The following MBD5 variants were observed in gnomAD, a reference collection of about 807,000 sequenced individuals.
The protein encoded by MBD5 is methyl-CpG binding domain protein 5.
Under a neutral mutation model 117.3 loss-of-function variants are expected in MBD5, and 13 were observed. The observed-to-expected ratio is 0.11, with a 90% CI of 0.07 to 0.18. The LOEUF is 0.18. MBD5 is among the 10% of genes least tolerant of loss of function. The probability of loss-of-function intolerance (pLI) is 1.00; values close to 1 mark genes in which losing one functional copy is unlikely to be tolerated. For missense variants in MBD5, 1,879 were observed against 2,093.8 expected, an observed-to-expected ratio of 0.90 and a Z score of 2.00; for synonymous variants, 727 against 766.4, an observed-to-expected ratio of 0.95 and a Z score of 0.85.
intron 2 of MBD5, among the ~76,000 whole-genome samples, chr2:148,201,477 C>G (rs533175424): frequency 6.6e-6 from 1 of 152,240 alleles, no homozygotes; most frequent in Non-Finnish European, 1.5e-5. Context: ...CTTAACAACT[C>G]TGTCAGCCCG....
chr2:148,063,808 A>G (rs1695104952), intron 1 of MBD5, among the ~76,000 whole-genome samples: 1 of 151,778 alleles, frequency 6.6e-6, no homozygotes, highest in Non-Finnish European at 1.5e-5. Flanking sequence ...TGACCTGTGG[A>G]CTCTGCCCAA....
chr2:148,359,100 A>G (rs1703459474), intron 4 of MBD5, among the ~76,000 whole-genome samples: 1 of 151,972 alleles, frequency 6.6e-6, no homozygotes, highest in Non-Finnish European at 1.5e-5. Context: ...CATCTCTACT[A>G]AAAATACAAA....
chr2:148,289,477 C>T (rs944275897), intron 3 of MBD5, among the ~76,000 whole-genome samples: 7 of 152,096 alleles, frequency 4.6e-5, no homozygotes, highest in African/African-American at 9.7e-5. Context: ...TGGAAAACAA[C>T]TAATCAATGT....
At chr2:148,146,973 A>C (rs1025881086) in intron 1 of MBD5, among the ~76,000 whole-genome samples, 6 of 152,056 alleles carry the variant, frequency 3.9e-5, no homozygotes, top group African/African-American at 1.4e-4. Context: ...TTTCTTCTGA[A>C]AGATAATTTC....
chr2:148,274,259 T>G (rs1038540229), intron 3 of MBD5, among the ~76,000 whole-genome samples: 1 of 152,084 alleles, frequency 6.6e-6, no homozygotes, highest in Non-Finnish European at 1.5e-5. Flanking sequence ...CTCTAAGTTC[T>G]GGGGTACACA....
At chr2:148,160,960 T>A (rs1162863398) in intron 1 of MBD5, among the ~76,000 whole-genome samples, 2 of 152,162 alleles carry the variant, frequency 1.3e-5, no homozygotes, top group Non-Finnish European at 2.9e-5. Flanking sequence ...TTCAAAATAT[T>A]ATTATATTGA....
At chr2:148,502,372 TAA>T in intron 11 of MBD5, 62 bp from the exon 12 acceptor site, 2 of 1,504,658 alleles carry the variant, frequency 1.3e-6, no homozygotes, top group Non-Finnish European at 1.8e-6. Context: ...GGCAGGAAAG[TAA>T]AAACCGTGTT....
intron 2 of MBD5, among the ~76,000 whole-genome samples, chr2:148,205,167 C>T (rs1024592518): frequency 6.6e-6 from 1 of 152,046 alleles, no homozygotes; most frequent in Non-Finnish European, 1.5e-5. Flanking sequence ...ACCTCCACTT[C>T]CCAGGTTCAA....
intron 4 of MBD5, among the ~76,000 whole-genome samples, chr2:148,435,004 A>G (rs1166963584): frequency 6.6e-6 from 1 of 152,152 alleles, no homozygotes; most frequent in Non-Finnish European, 1.5e-5. Flanking sequence ...AATGGTAAGC[A>G]TAACATGTGG....
chr2:148,428,938 A>G (rs1027741263), intron 4 of MBD5, among the ~76,000 whole-genome samples: 1 of 152,228 alleles, frequency 6.6e-6, no homozygotes, highest in Non-Finnish European at 1.5e-5. Flanking sequence ...GGCATGGGCA[A>G]AGCCTTCATG....
intron 3 of MBD5, among the ~76,000 whole-genome samples, chr2:148,276,304 A>G (rs1323903360): frequency 6.6e-6 from 1 of 152,214 alleles, no homozygotes; most frequent in Non-Finnish European, 1.5e-5. Context: ...TAAGTGACAG[A>G]GTAAGACCCT....
At chr2:148,082,051 G>A (rs1254053609) in intron 1 of MBD5, among the ~76,000 whole-genome samples, 1 of 151,908 alleles carries the variant, frequency 6.6e-6, no homozygotes, top group East Asian at 1.9e-4. Context: ...CATTCTTTTT[G>A]GTTGCTGTTT....
intron 2 of MBD5, among the ~76,000 whole-genome samples, chr2:148,215,806 A>G (rs1699540132): frequency 6.6e-6 from 1 of 151,912 alleles, no homozygotes; most frequent in African/African-American, 2.4e-5. Flanking sequence ...TACAGGCATA[A>G]GCCACCATGC....
intron 12 of MBD5, among the ~76,000 whole-genome samples, chr2:148,504,516 G>A (rs1681971074): frequency 6.6e-6 from 1 of 152,104 alleles, no homozygotes; most frequent in African/African-American, 2.4e-5. Flanking sequence ...CCCAATTTAA[G>A]AAGACAAATT....
intron 2 of MBD5, among the ~76,000 whole-genome samples, chr2:148,215,728 T>C (rs1453488278): frequency 6.6e-6 from 1 of 150,420 alleles, no homozygotes; most frequent in African/African-American, 2.5e-5. Context: ...AAAGTTTTGC[T>C]ATATCGCTGA....
At chr2:148,037,064 A>C (rs934004919) in intron 1 of MBD5, among the ~76,000 whole-genome samples, 34 of 152,046 alleles carry the variant, frequency 2.2e-4, no homozygotes, top group African/African-American at 8.2e-4. Context: ...CTTAAGACGT[A>C]GGGTTTTTAT....
chr2:148,208,655 CTTT>C (rs57011820), intron 2 of MBD5, among the ~76,000 whole-genome samples: 2 of 138,028 alleles, frequency 1.4e-5, no homozygotes, highest in Admixed American at 7.2e-5. Flanking sequence ...GTTATCTGTT[CTTT>C]TTTTTTTTTT....
At position 148,468,778 on chromosome 2, in the gene MBD5, A is replaced by T; in HGVS notation, c.835A>T (p.Met279Leu). 2 of 1,613,942 alleles carry T rather than the reference A, an allele frequency of 1.2e-6. No individual in the cohort carries two copies. Among genetic ancestry groups the T allele is most frequent in the Non-Finnish European group, 1.7e-6 (2 of 1,179,900 alleles). ...GACTCCTCTTTCTCCACCTTCAGTAATGCTACATGGTTCTCCTGTACAGTC... is the reference window on the plus strand; with the variant it reads ...GACTCCTCTTTCTCCACCTTCAGTATTGCTACATGGTTCTCCTGTACAGTC... ...NRTPLSPPSV[M>L]LHGSPVQSSC... The change falls in exon 8 of 14, where the codon ATG (methionine) becomes TTG (leucine). Residue 279 changes from methionine to leucine, a missense_variant. Physicochemically the swap from Met to Leu is conservative, Grantham distance 15. Around this residue, in one of 4 missense-constraint regions of MBD5, gnomAD observed 1,666 missense variants for 1,792.2 expected, o/e 0.93. Coordinates refer to ENST00000642680, the MANE Select transcript of MBD5 (RefSeq NM_001378120.1).
At chr2:148,124,860 G>A (rs1396974273) in intron 1 of MBD5, among the ~76,000 whole-genome samples, 1 of 150,980 alleles carries the variant, frequency 6.6e-6, no homozygotes, top group Non-Finnish European at 1.5e-5. Flanking sequence ...TGAGAATCAA[G>A]GAATAGTTAT....
Sources: gnomAD v4.1 joint callset for allele counts (sites outside exome capture counted in the v4.1 genomes callset) on GRCh38, gnomAD v4.1.1 for gene constraint, gnomAD v4.1.1 regional missense constraint, MANE v1.5 for transcripts, NCBI Gene and HGNC (gene_info 2026-07-23, HGNC 2026-07-21) for gene names.